The following NAV2 variants were observed in gnomAD, a reference collection of about 807,000 sequenced individuals.
The protein encoded by NAV2 is helicase, APC down-regulated 1.
NAV2 carries 54 observed loss-of-function variants against 223.2 expected under a neutral mutation model. The ratio of observed to expected loss-of-function variants is 0.24; its 90% confidence interval spans 0.19 to 0.30. The LOEUF is 0.30. Ranked by LOEUF, NAV2 falls within the 10% of genes least tolerant of loss-of-function variation. NAV2 has a pLI of 1.00. For synonymous variants in NAV2, 1,279 were observed against 1,239.3 expected (o/e 1.03, Z -0.67); for missense variants, 2,806 against 3,147.5 (o/e 0.89, Z 2.60).
chr11:19,523,736 T>C (rs2043750008), intron 1 of NAV2, among the ~76,000 whole-genome samples: 1 of 152,180 alleles, frequency 6.6e-6, no homozygotes, highest in Non-Finnish European at 1.5e-5. Flanking sequence ...GCAATTGCTC[T>C]TCAGGACTCG....
intron 1 of NAV2, among the ~76,000 whole-genome samples, chr11:19,388,014 A>T (rs1849109320): frequency 6.6e-6 from 1 of 152,192 alleles, no homozygotes; most frequent in Non-Finnish European, 1.5e-5. Context: ...GACCTCCAGA[A>T]TTGGAATGTG....
rs748364688 is a variant in NAV2, at chr11:20,031,658, C to G, written c.2769-4301C>G. Among the ~76,000 whole-genome samples the G allele has an allele frequency of 2.5e-4, 38 of 152,156 alleles. 1 individual carries two copies. Among genetic ancestry groups the G allele is most frequent in the African/African-American group, 8.9e-4 (37 of 41,430 alleles). Reference sequence around the variant, plus strand: ...TCAGCTCTGCTTCCCACTGTGCCAGCTTCCTTCTCAGGGAAGTGAGAATCA... The same window carrying G: ...TCAGCTCTGCTTCCCACTGTGCCAGGTTCCTTCTCAGGGAAGTGAGAATCA... On this transcript the variant is annotated intron_variant, in intron 11 of 37. Transcript: ENST00000349880.
chr11:19,532,223 G>A (rs2044047147), intron 1 of NAV2, among the ~76,000 whole-genome samples: 1 of 152,124 alleles, frequency 6.6e-6, no homozygotes, highest in African/African-American at 2.4e-5. Context: ...GCTTTGGTCT[G>A]GGGACTCAGG....
chr11:19,533,706 CTTTT>C (rs34280979), intron 1 of NAV2, among the ~76,000 whole-genome samples: 2 of 126,544 alleles, frequency 1.6e-5, no homozygotes, highest in Middle Eastern at 3.4e-3. Flanking sequence ...TGGGAACTAT[CTTTT>C]TTTTTTTTTT....
At chr11:19,523,652 A>G (rs553771820) in intron 1 of NAV2, among the ~76,000 whole-genome samples, 43 of 152,214 alleles carry the variant, frequency 2.8e-4, no homozygotes, top group Non-Finnish European at 5.4e-4. Flanking sequence ...TCCATGTGCC[A>G]TGAGGGCAAG....
chr11:19,674,699 G>A (rs1177537719), intron 1 of NAV2, among the ~76,000 whole-genome samples: 2 of 152,122 alleles, frequency 1.3e-5, no homozygotes, highest in Admixed American at 1.3e-4. Context: ...TTCTCTGCCT[G>A]GAACATAAGG....
chr11:20,050,096 G>C (rs1350049072), intron 16 of NAV2, among the ~76,000 whole-genome samples, 195 bp downstream of exon 16: 1 of 152,184 alleles, frequency 6.6e-6, no homozygotes, highest in African/African-American at 2.4e-5. Context: ...GAGAGGTGGA[G>C]TTGGGCTGGC....
rs757652229 is a variant in NAV2 at position 20,083,033 on chromosome 11, C to G, written c.5352C>G (p.Phe1784Leu). ...NWLRSSFKQA[F>L]GKKKSPKSAS... The stretch of plus-strand genomic sequence containing the variant: ...TACGCAGCTCCTTCAAGCAAGCTTT[C>G]GGGAAGAAGAAGTCCCCAAAATCTG... The change falls in exon 26 of 38, where the codon TTC (phenylalanine) becomes TTG (leucine). Residue 1784 changes from phenylalanine to leucine, a missense_variant. Physicochemically the swap from Phe to Leu is conservative, Grantham distance 22. Transcript: ENST00000349880. The G allele has an allele frequency of 6.2e-7, 1 of 1,613,684 alleles. No individual in the cohort carries two copies. The highest frequency in any genetic ancestry group is 8.5e-7 in the Non-Finnish European group (1 of 1,179,776).
intron 7 of NAV2, among the ~76,000 whole-genome samples, chr11:19,935,864 T>TTTTTTTTTTTTTTTTTTTTTTG (rs1353477125): frequency 2.0e-5 from 2 of 101,178 alleles, no homozygotes; most frequent in East Asian, 3.3e-4. Flanking sequence ...TTTTTTTTTT[T>TTTTTTTTTTTTTTTTTTTTTTG]TTTTTTTTTT....
intron 1 of NAV2, among the ~76,000 whole-genome samples, chr11:19,766,618 G>T (rs933123863): frequency 6.6e-6 from 1 of 152,196 alleles, no homozygotes; most frequent in African/African-American, 2.4e-5. Context: ...GTGCTTATCA[G>T]TCCTGGATGG....
upstream of NAV2, among the ~76,000 whole-genome samples, chr11:19,347,592 G>C (rs1853075571): frequency 6.6e-6 from 1 of 152,154 alleles, no homozygotes; most frequent in African/African-American, 2.4e-5. Context: ...GGAGAAGCCA[G>C]GGCTTGCCCT....
At chr11:19,526,707 C>G in intron 1 of NAV2, among the ~76,000 whole-genome samples, 1 of 152,000 alleles carries the variant, frequency 6.6e-6, no homozygotes, top group East Asian at 1.9e-4. Flanking sequence ...TCCTACAGTC[C>G]CCTGACCTGG....
chr11:20,104,776 C>T (rs978794093), intron 34 of NAV2: 1 of 152,226 alleles, frequency 6.6e-6, no homozygotes, highest in Admixed American at 6.5e-5. Flanking sequence ...TGCTTAAAGT[C>T]CTTCAGTAGC....
chr11:19,440,447 G>A (rs1482371550), intron 1 of NAV2, among the ~76,000 whole-genome samples: 1 of 152,166 alleles, frequency 6.6e-6, no homozygotes, highest in Non-Finnish European at 1.5e-5. Flanking sequence ...CCAAGCTGCT[G>A]GGGTCGGTAT....
chr11:19,709,467 A>G (rs1205741485), upstream of NAV2, among the ~76,000 whole-genome samples: 3 of 145,328 alleles, frequency 2.1e-5, no homozygotes, highest in South Asian at 4.6e-4. Context: ...GGGTGTACCC[A>G]GGAGGCGGAG....
chr11:19,910,393 G>A (rs1029597212), intron 6 of NAV2, among the ~76,000 whole-genome samples: 54 of 152,278 alleles, frequency 3.5e-4, no homozygotes, highest in African/African-American at 1.3e-3. Flanking sequence ...CAGAGTCATG[G>A]AAATTCAGAG....
intron 1 of NAV2, among the ~76,000 whole-genome samples, chr11:19,547,288 C>T (rs1261772005): frequency 6.6e-6 from 1 of 152,214 alleles, no homozygotes; most frequent in Non-Finnish European, 1.5e-5. Flanking sequence ...CAGATGACAG[C>T]TTTAAAGATG....
chr11:19,882,126 G>A (rs1200753820), intron 5 of NAV2, among the ~76,000 whole-genome samples: 2 of 152,190 alleles, frequency 1.3e-5, no homozygotes, highest in Non-Finnish European at 2.9e-5. Context: ...GGATCTGATT[G>A]GCAGGTCAAA....
rs549613409 is a variant in NAV2 at position 19,547,463 on chromosome 11, C to T, written c.75+196436C>T. Among the ~76,000 whole-genome samples, 182 of 152,298 alleles carry T rather than the reference C, an allele frequency of 1.2e-3. 1 individual carries two copies. Among genetic ancestry groups the T allele is most frequent in the African/African-American group, 4.2e-3 (173 of 41,564 alleles). ...TTGAAGCTGATTTTTTCCCTTTCTTCCCTTTCCCACCACTGCTCTTTTCCA... is the reference window on the plus strand; with the variant it reads ...TTGAAGCTGATTTTTTCCCTTTCTTTCCTTTCCCACCACTGCTCTTTTCCA... On this transcript the variant is annotated intron_variant, in intron 1 of 37. Coordinates refer to the NAV2 transcript ENST00000360655.
Sources: allele counts gnomAD v4.1 joint callset (sites outside exome capture counted in the v4.1 genomes callset), GRCh38; gene constraint gnomAD v4.1.1; transcripts MANE v1.5; gene names NCBI Gene and HGNC (gene_info 2026-07-23, HGNC 2026-07-21).